ADGB: variants seen among roughly 807,000 people sequenced by gnomAD.
ADGB encodes the protein calpain-7-like protein.
A neutral mutation model predicts 210.5 loss-of-function variants in ADGB; 172 were observed. The observed-to-expected ratio is 0.82, with a 90% CI of 0.72 to 0.93. ADGB has a LOEUF of 0.93. Among genes scored for constraint, ADGB ranks in the 40% least tolerant of loss-of-function variants. The pLI is 0.00. For missense variants in ADGB, 2,025 were observed against 1,964.8 expected, an observed-to-expected ratio of 1.03 and a Z score of -0.58; for synonymous variants, 658 against 662.7, an observed-to-expected ratio of 0.99 and a Z score of 0.11.
chr6:146,780,692 A>G (rs1049965432), intron 29 of ADGB, among the ~76,000 whole-genome samples: 3 of 152,198 alleles, frequency 2.0e-5, no homozygotes, highest in African/African-American at 4.8e-5. Context: ...TTCAAAATAC[A>G]TGAAGCAAAA....
intron 33 of ADGB, among the ~76,000 whole-genome samples, chr6:146,794,431 G>A (rs1431828364): frequency 6.6e-6 from 1 of 151,928 alleles, no homozygotes; most frequent in African/African-American, 2.4e-5. Flanking sequence ...TTCCTCACAA[G>A]TTTATCATGA....
At chr6:146,788,189 G>A (rs1329958350) in intron 32 of ADGB, among the ~76,000 whole-genome samples, 200 bp from the exon 33 acceptor site, 1 of 152,108 alleles carries the variant, frequency 6.6e-6, no homozygotes, top group Non-Finnish European at 1.5e-5. Flanking sequence ...AATATATGGA[G>A]GCAGCTTTCA....
intron 1 of ADGB, among the ~76,000 whole-genome samples, chr6:146,610,859 A>C (rs979416982): frequency 8.5e-5 from 13 of 152,126 alleles, no homozygotes; most frequent in African/African-American, 3.1e-4. Context: ...GTCCACATGC[A>C]CGTGCCCATG....
chr6:146,676,407 A>G lies in ADGB; in HGVS notation c.1182A>G (p.Ser394=). The change falls in exon 9 of 36, where the codon TCA becomes TCG. Residue 394 remains serine (S), a synonymous_variant. Coordinates refer to ENST00000397944, the MANE Select transcript of ADGB (RefSeq NM_024694.4). ...CACTTCATGGTTCAAGACCCTCATCAGAAGTGCAGTACTCTGTGCAGTCCC... is the reference window on the plus strand; with the variant it reads ...CACTTCATGGTTCAAGACCCTCATCGGAAGTGCAGTACTCTGTGCAGTCCC... The part of the protein sequence containing the change: ...KFSLHGSRPS[S]EVQYSVQSLS... 1 of 1,546,634 alleles carries G rather than the reference A, an allele frequency of 6.5e-7. No homozygotes were observed.
In ADGB at chr6:146,807,506, G is replaced by C. The variant is rs370472236; in HGVS notation, c.4818+5495G>C. On this transcript the variant is annotated intron_variant, in intron 35 of 35. Coordinates refer to ENST00000397944, the MANE Select transcript of ADGB (RefSeq NM_024694.4). The stretch of plus-strand genomic sequence containing the variant: ...TAAAGCTGGAAGCTCTCTCTGCTCA[G>C]GAAGCCGCCATGAAGCTGGAGACAG... 6 of 1,551,554 alleles carry C rather than the reference G, an allele frequency of 3.9e-6. No homozygotes were observed. The East Asian group carries it at 1.5e-4, about 38-fold the overall frequency.
intron 1 of ADGB, among the ~76,000 whole-genome samples, chr6:146,600,587 A>C (rs1780539865): frequency 3.9e-5 from 6 of 151,934 alleles, no homozygotes; most frequent in African/African-American, 1.5e-4. Context: ...TAAAGTTACA[A>C]CCTCTACTTC....
At chr6:146,661,314 G>T (rs1775854644) in intron 5 of ADGB, among the ~76,000 whole-genome samples, 1 of 148,446 alleles carries the variant, frequency 6.7e-6, no homozygotes, top group South Asian at 2.1e-4. Context: ...TCCACTCCTG[G>T]GATCCAGTGA....
chr6:146,690,493 C>T (rs1476238659), intron 10 of ADGB, among the ~76,000 whole-genome samples: 2 of 152,138 alleles, frequency 1.3e-5, no homozygotes, highest in Non-Finnish European at 2.9e-5. Context: ...AGCCGTAAAT[C>T]AGTAACGTAA....
At chr6:146,652,260 T>C (rs1335252894) in intron 3 of ADGB, among the ~76,000 whole-genome samples, 2 of 152,196 alleles carry the variant, frequency 1.3e-5, no homozygotes, top group African/African-American at 2.4e-5. Context: ...CTAATACTTA[T>C]TAATGTATAG....
chr6:146,814,947 G>A lies in ADGB; in HGVS notation c.4819-85G>A, dbSNP rs571581721. 42 of 1,342,878 alleles carry A rather than the reference G, an allele frequency of 3.1e-5. No individual in the cohort carries two copies. In the East Asian group the frequency reaches 1.0e-3, roughly 33 times the overall value. The allele number at this position is 1,342,878 out of a possible 1,614,324, so 83.2% of individuals were successfully genotyped here. A position where few individuals can be genotyped will look rare whatever the true frequency, so the allele number is the denominator to read the frequency against. On this transcript the variant is annotated intron_variant, in intron 35 of 35. Coordinates refer to ENST00000397944, the MANE Select transcript of ADGB (RefSeq NM_024694.4). The stretch of plus-strand genomic sequence containing the variant: ...TATGAATGTGTGGGCGTAAGGACAG[G>A]GTAAAGGAATTTCATTTTTTTCTTT...
intron 23 of ADGB, among the ~76,000 whole-genome samples, chr6:146,737,698 G>A (rs1777100125): frequency 6.6e-6 from 1 of 152,146 alleles, no homozygotes; most frequent in South Asian, 2.1e-4. Context: ...GCTACCAGGA[G>A]GAGATCTCTA....
At chr6:146,611,959 T>C (rs1780718006) in intron 1 of ADGB, among the ~76,000 whole-genome samples, 1 of 152,124 alleles carries the variant, frequency 6.6e-6, no homozygotes, top group Admixed American at 6.5e-5. Flanking sequence ...TCCTGGGAAA[T>C]GGCAAAAGCT....
chr6:146,735,753 A>G (rs1487712087), intron 22 of ADGB, among the ~76,000 whole-genome samples: 1 of 152,218 alleles, frequency 6.6e-6, no homozygotes, highest in Non-Finnish European at 1.5e-5. Flanking sequence ...GTGTTCAACT[A>G]TTCAAAATGT....
At chr6:146,750,583 C>T (rs1002434796) in intron 26 of ADGB, among the ~76,000 whole-genome samples, 1 of 151,806 alleles carries the variant, frequency 6.6e-6, no homozygotes, top group African/African-American at 2.4e-5. Flanking sequence ...CTTTTAGTGT[C>T]GTCATATATA....
intron 23 of ADGB, among the ~76,000 whole-genome samples, chr6:146,739,958 T>C (rs1172487356): frequency 6.6e-6 from 1 of 152,190 alleles, no homozygotes; most frequent in Non-Finnish European, 1.5e-5. Context: ...CACTCAGAAA[T>C]CATGCAGGAG....
intron 1 of ADGB, among the ~76,000 whole-genome samples, chr6:146,600,045 C>A (rs971676003): frequency 9.9e-5 from 15 of 152,068 alleles, no homozygotes; most frequent in African/African-American, 3.6e-4. Flanking sequence ...ATTCACTGAT[C>A]CCTAGGATTT....
intron 29 of ADGB, among the ~76,000 whole-genome samples, chr6:146,773,886 C>A (rs1011369449): frequency 6.6e-6 from 1 of 152,062 alleles, no homozygotes; most frequent in Non-Finnish European, 1.5e-5. Flanking sequence ...ATTAATCTTC[C>A]CAATAAACTT....
intron 35 of ADGB, among the ~76,000 whole-genome samples, chr6:146,806,183 G>C (rs1227266742): frequency 6.6e-6 from 1 of 152,176 alleles, no homozygotes; most frequent in African/African-American, 2.4e-5. Flanking sequence ...GCAGCAGATA[G>C]GAAACGGGGA....
rs984999011 is a variant in ADGB, at chr6:146,724,178, T to C, written c.2096-8T>C. ...TCAAACTTTAATACCTTTTTACTTA[T>C]CTTAAAGCCTTAACAAAAGACAGTC... is the stretch of plus-strand genomic sequence containing the variant. On this transcript the variant is annotated splice_polypyrimidine_tract_variant and splice_region_variant and intron_variant, in intron 17 of 35. Transcript: ENST00000397944. 16 of 1,545,340 alleles carry C rather than the reference T, an allele frequency of 1.0e-5. No homozygotes were observed. In the Admixed American group the frequency reaches 2.7e-4, roughly 26 times the overall value.
Sources: allele counts gnomAD v4.1 joint callset (sites outside exome capture counted in the v4.1 genomes callset), GRCh38; gene constraint gnomAD v4.1.1; transcripts MANE v1.5; gene names NCBI Gene and HGNC (gene_info 2026-07-23, HGNC 2026-07-21).